NLGN1: variants seen among roughly 807,000 people sequenced by gnomAD.
NLGN1 encodes the protein neuroligin-1.
NLGN1 carries 12 observed loss-of-function variants against 65.5 expected under a neutral mutation model. The observed-to-expected ratio is 0.18, with a 90% CI of 0.12 to 0.30. The LOEUF is 0.30. Among genes scored for constraint, NLGN1 ranks in the 10% least tolerant of loss-of-function variants. The pLI is 1.00. For missense variants in NLGN1, 750 were observed against 1,007.1 expected (o/e 0.74, Z 3.46); for synonymous variants, 350 against 359.5 (o/e 0.97, Z 0.30).
chr3:174,241,084 C>G (rs1742716206), intron 4 of NLGN1, among the ~76,000 whole-genome samples: 1 of 152,106 alleles, frequency 6.6e-6, no homozygotes, highest in Non-Finnish European at 1.5e-5. Flanking sequence ...CTAACAATGA[C>G]AAAACTTAGT....
At chr3:173,996,140 A>G (rs1314294776) in intron 4 of NLGN1, among the ~76,000 whole-genome samples, 2 of 152,210 alleles carry the variant, frequency 1.3e-5, no homozygotes, top group Admixed American at 1.3e-4. Context: ...CTTCAAAATT[A>G]TGAATGGTGC....
At chr3:173,496,351 A>G (rs1256497586) in intron 2 of NLGN1, among the ~76,000 whole-genome samples, 1 of 151,930 alleles carries the variant, frequency 6.6e-6, no homozygotes, top group Non-Finnish European at 1.5e-5. Context: ...AGATTACTAA[A>G]TATTTCCTCA....
chr3:173,945,731 A>T (rs529523988), intron 4 of NLGN1, among the ~76,000 whole-genome samples: 20 of 152,212 alleles, frequency 1.3e-4, no homozygotes, highest in Non-Finnish European at 2.9e-4. Flanking sequence ...TGAGAGGTTT[A>T]GTCTTCAGTA....
intron 4 of NLGN1, among the ~76,000 whole-genome samples, chr3:174,208,052 A>G (rs1047246126): frequency 6.6e-6 from 1 of 152,212 alleles, no homozygotes; most frequent in Admixed American, 6.5e-5. Context: ...ATTTTAACAG[A>G]GACTCCTTAA....
exon 7 of NLGN1, chr3:174,281,098 C>T: frequency 6.2e-7 from 1 of 1,613,328 alleles, no homozygotes; most frequent in Non-Finnish European, 8.5e-7. Flanking sequence ...GTTCTTCGGA[C>T]CGCCTGTCCC....
At chr3:173,416,075 A>T (rs931704091) in intron 1 of NLGN1, among the ~76,000 whole-genome samples, 3 of 152,140 alleles carry the variant, frequency 2.0e-5, no homozygotes, top group African/African-American at 7.2e-5. Flanking sequence ...AGCGTCACAG[A>T]TAAGGACCTT....
chr3:173,812,625 G>A (rs1718188691), intron 4 of NLGN1, among the ~76,000 whole-genome samples: 2 of 151,700 alleles, frequency 1.3e-5, no homozygotes, highest in South Asian at 4.2e-4. Context: ...GGGCTACCCA[G>A]GAGGCTGAGG....
chr3:173,503,934 T>G (rs1180906258), intron 2 of NLGN1, among the ~76,000 whole-genome samples: 1 of 152,088 alleles, frequency 6.6e-6, no homozygotes, highest in Non-Finnish European at 1.5e-5. Flanking sequence ...TTAAAGCACT[T>G]TGCTTCTTTT....
At chr3:174,086,286 T>TATATATATATTTATGTATGTGCATAA (rs1561008046) in intron 4 of NLGN1, among the ~76,000 whole-genome samples, 4 of 16,420 alleles carry the variant, frequency 2.4e-4, no homozygotes, top group Non-Finnish European at 4.5e-4. Context: ...TGTGCATAAA[T>TATATATATATTTATGTATGTGCATAA]ATATATATAT....
At chr3:173,815,233 C>G (rs1397539834) in intron 4 of NLGN1, among the ~76,000 whole-genome samples, 2 of 151,826 alleles carry the variant, frequency 1.3e-5, no homozygotes, top group Non-Finnish European at 2.9e-5. Context: ...GACTCAGCCT[C>G]CCAAGTAGGT....
rs191447854 is a variant in NLGN1 at position 174,109,120 on chromosome 3, A to G, written c.647-166195A>G. Among the ~76,000 whole-genome samples the G allele has an allele frequency of 6.8e-3, 1,041 of 152,164 alleles. 4 individuals carry two copies. The highest frequency in any genetic ancestry group is 0.014 in the Middle Eastern group (4 of 294). On this transcript the variant is annotated intron_variant, in intron 4 of 6. Coordinates refer to ENST00000457714, the Ensembl canonical transcript of NLGN1. ...CTTATTAAATTTTTTCCTTTGCTAA[A>G]ATTATAGAATTAACTGGTTTATTTA...
chr3:173,424,242 C>T (rs1469189810), intron 1 of NLGN1, among the ~76,000 whole-genome samples: 1 of 152,202 alleles, frequency 6.6e-6, no homozygotes, highest in Non-Finnish European at 1.5e-5. Context: ...CCTCCTAGGC[C>T]TCTGGGTCTG....
At chr3:173,986,196 C>T (rs1174227826) in intron 4 of NLGN1, among the ~76,000 whole-genome samples, 5 of 151,932 alleles carry the variant, frequency 3.3e-5, no homozygotes, top group Admixed American at 6.6e-5. Context: ...GGGCCAGACA[C>T]GGTGGCTCAC....
intron 4 of NLGN1, among the ~76,000 whole-genome samples, chr3:173,891,639 T>C (rs1474893047): frequency 6.6e-6 from 1 of 152,144 alleles, no homozygotes; most frequent in East Asian, 1.9e-4. Context: ...TCCAGGCCCA[T>C]TTGCCAACCT....
chr3:173,473,754 A>G (rs1245203657), intron 2 of NLGN1, among the ~76,000 whole-genome samples: 1 of 152,186 alleles, frequency 6.6e-6, no homozygotes, highest in Admixed American at 6.6e-5. Flanking sequence ...TTTCCTACTC[A>G]GTTCCCAAAT....
chr3:173,497,067 T>G (rs1730145455), intron 2 of NLGN1, among the ~76,000 whole-genome samples: 1 of 151,930 alleles, frequency 6.6e-6, no homozygotes, highest in Non-Finnish European at 1.5e-5. Flanking sequence ...TTTTCTGACT[T>G]ACTTTGCCAT....
intron 4 of NLGN1, among the ~76,000 whole-genome samples, chr3:173,825,844 C>T (rs544262492): frequency 3.3e-5 from 5 of 152,074 alleles, no homozygotes; most frequent in South Asian, 4.2e-4. Flanking sequence ...ATAGCCTAAT[C>T]CTTAACTGTG....
At chr3:173,546,766 A>G (rs1739921118) in intron 2 of NLGN1, among the ~76,000 whole-genome samples, 1 of 152,222 alleles carries the variant, frequency 6.6e-6, no homozygotes, top group Non-Finnish European at 1.5e-5. Context: ...TCCTTTACAC[A>G]GGCTTTTACT....
At chr3:173,412,878 A>G (rs1006613068) in intron 1 of NLGN1, among the ~76,000 whole-genome samples, 3 of 152,108 alleles carry the variant, frequency 2.0e-5, no homozygotes, top group Non-Finnish European at 2.9e-5. Context: ...CCTGATTGTG[A>G]TAAGGCCTGC....
Sources: allele counts gnomAD v4.1 joint callset (sites outside exome capture counted in the v4.1 genomes callset), GRCh38; gene constraint gnomAD v4.1.1; transcripts MANE v1.5; gene names NCBI Gene and HGNC (gene_info 2026-07-23, HGNC 2026-07-21).